BMPR1B: variants seen among roughly 807,000 people sequenced by gnomAD.
The protein encoded by BMPR1B is bone morphogenetic protein receptor type 1B.
Under a neutral mutation model 59.1 loss-of-function variants are expected in BMPR1B, and 12 were observed. That is an observed-to-expected ratio of 0.20 (90% CI 0.13 to 0.33). The LOEUF (loss-of-function observed/expected upper bound fraction) is 0.33. BMPR1B is among the 10% of genes least tolerant of loss of function. The pLI, the probability that BMPR1B is intolerant of heterozygous loss-of-function variation, is 1.00. For missense variants in BMPR1B, 550 were observed against 610.9 expected (o/e 0.90, Z 1.05); for synonymous variants, 237 against 207.3 (o/e 1.14, Z -1.23).
chr4:94,800,920 G>A (rs893643918), intron 1 of BMPR1B, among the ~76,000 whole-genome samples: 9 of 152,160 alleles, frequency 5.9e-5, no homozygotes, highest in African/African-American at 2.2e-4. Flanking sequence ...TTTCTTAAGA[G>A]TTATGCATTT....
chr4:94,881,658 G>T (rs1014367339), intron 2 of BMPR1B, among the ~76,000 whole-genome samples: 2 of 152,022 alleles, frequency 1.3e-5, no homozygotes, highest in Non-Finnish European at 2.9e-5. Context: ...TAGAGACGGG[G>T]TTTCATCACA....
chr4:94,870,948 C>A (rs1410540656), intron 1 of BMPR1B, among the ~76,000 whole-genome samples: 1 of 151,496 alleles, frequency 6.6e-6, no homozygotes, highest in Non-Finnish European at 1.5e-5. Context: ...CAAGTGCACT[C>A]TGTTTATTGA....
chr4:95,087,698 C>G (rs543779600), intron 3 of BMPR1B, among the ~76,000 whole-genome samples: 61 of 152,102 alleles, frequency 4.0e-4, no homozygotes, highest in African/African-American at 1.4e-3. Context: ...TGTCACTGTA[C>G]TCTAACCTGG....
At chr4:95,079,521 G>C (rs544844688) in intron 3 of BMPR1B, among the ~76,000 whole-genome samples, 1 of 152,198 alleles carries the variant, frequency 6.6e-6, no homozygotes, top group African/African-American at 2.4e-5. Flanking sequence ...ATTTCATGTA[G>C]GAAAAGAAGG....
Position 95,125,271 on chromosome 4 carries a change from C to T in BMPR1B, c.585+150C>T, listed in dbSNP as rs1004206032. 5.9e-6 allele frequency: 6 copies of T among 1,020,726 alleles called. No individual in the cohort carries two copies. In the African/African-American group the frequency reaches 8.0e-5, roughly 14 times the overall value. 63.2% of individuals were successfully genotyped at this position (1,020,726 alleles called of 1,614,324 possible). A position where few individuals can be genotyped will look rare whatever the true frequency, so the allele number is the denominator to read the frequency against. On this transcript the variant is annotated intron_variant, in intron 8 of 12. Coordinates refer to ENST00000515059, the MANE Select transcript of BMPR1B (RefSeq NM_001203.3). The stretch of plus-strand genomic sequence containing the variant: ...CATCCGATCTCAGCTGCAGGGCTTC[C>T]TGATAACATTTTGACATATTGAGAG...
chr4:94,799,908 C>T (rs1274956776), intron 1 of BMPR1B, among the ~76,000 whole-genome samples: 1 of 151,834 alleles, frequency 6.6e-6, no homozygotes, highest in South Asian at 2.1e-4. Flanking sequence ...CCAGGCTGGT[C>T]TCAAACTCAT....
chr4:94,915,784 G>A (rs1353382506), intron 2 of BMPR1B, among the ~76,000 whole-genome samples: 1 of 152,138 alleles, frequency 6.6e-6, no homozygotes, highest in Non-Finnish European at 1.5e-5. Context: ...ATATAGTTTG[G>A]ATATTTGTTT....
At chr4:95,034,611 AT>A (rs995839701) in intron 3 of BMPR1B, among the ~76,000 whole-genome samples, 1 of 151,206 alleles carries the variant, frequency 6.6e-6, no homozygotes, top group Non-Finnish European at 1.5e-5. Context: ...CCATTGTTTC[AT>A]TTTTTTATGG....
chr4:95,029,937 T>A (rs1468716808), intron 3 of BMPR1B, among the ~76,000 whole-genome samples: 1 of 152,178 alleles, frequency 6.6e-6, no homozygotes, highest in Non-Finnish European at 1.5e-5. Context: ...TCTGTTCATA[T>A]CCTTTGCCCA....
At chr4:94,990,462 G>A (rs1721662892) in intron 2 of BMPR1B, among the ~76,000 whole-genome samples, 1 of 152,186 alleles carries the variant, frequency 6.6e-6, no homozygotes, top group South Asian at 2.1e-4. Flanking sequence ...ATTAGCTGAT[G>A]AATGCATAAA....
intron 3 of BMPR1B, among the ~76,000 whole-genome samples, chr4:95,013,236 T>C (rs903359360): frequency 6.6e-6 from 1 of 152,154 alleles, no homozygotes; most frequent in East Asian, 1.9e-4. Context: ...ATGTAAAAGT[T>C]CTAGAATTTT....
intron 2 of BMPR1B, among the ~76,000 whole-genome samples, chr4:94,921,332 T>C (rs532330122): frequency 6.6e-6 from 1 of 152,322 alleles, no homozygotes; most frequent in East Asian, 1.9e-4. Context: ...AGTGCATTAC[T>C]CAGTTCTTGC....
intron 2 of BMPR1B, among the ~76,000 whole-genome samples, chr4:94,960,127 A>G (rs1208747968): frequency 6.6e-6 from 1 of 152,190 alleles, no homozygotes; most frequent in African/African-American, 2.4e-5. Context: ...CCAAAAATGT[A>G]GTAAATCTTC....
chr4:95,004,209 C>A (rs777551676), intron 3 of BMPR1B, among the ~76,000 whole-genome samples: 1 of 152,122 alleles, frequency 6.6e-6, no homozygotes, highest in Non-Finnish European at 1.5e-5. Flanking sequence ...CATTTGCCCA[C>A]CATGAAATAT....
intron 10 of BMPR1B, among the ~76,000 whole-genome samples, chr4:95,141,738 A>G (rs1734243626): frequency 6.6e-6 from 1 of 152,206 alleles, no homozygotes; most frequent in Admixed American, 6.5e-5. Flanking sequence ...GAGACTTCAG[A>G]GTCAGAACAA....
chr4:94,911,040 C>T (rs899075905), intron 2 of BMPR1B, among the ~76,000 whole-genome samples: 2 of 152,120 alleles, frequency 1.3e-5, no homozygotes, highest in Admixed American at 1.3e-4. Flanking sequence ...ACTTCTTTGA[C>T]CTATTTTTTT....
At chr4:95,138,557 AT>A (rs200917099) in intron 10 of BMPR1B, among the ~76,000 whole-genome samples, 15,748 of 152,124 alleles carry the variant, frequency 0.1, 1,997 homozygotes, top group African/African-American at 0.3. Flanking sequence ...TCAGACGTAG[AT>A]TTGGTCTTCT....
intron 3 of BMPR1B, among the ~76,000 whole-genome samples, chr4:95,086,566 AGAG>A (rs761707135): frequency 1.3e-5 from 2 of 152,224 alleles, no homozygotes; most frequent in African/African-American, 2.4e-5. Flanking sequence ...GAAACAGAAC[AGAG>A]GAGGTGATAC....
intron 3 of BMPR1B, among the ~76,000 whole-genome samples, chr4:95,077,011 G>A (rs981141052): frequency 1.9e-4 from 29 of 152,190 alleles, no homozygotes; most frequent in Admixed American, 7.2e-4. Flanking sequence ...ATATGCACGT[G>A]TGTTGTCTTT....
Sources: gnomAD v4.1 joint callset for allele counts (sites outside exome capture counted in the v4.1 genomes callset) on GRCh38, gnomAD v4.1.1 for gene constraint, MANE v1.5 for transcripts, NCBI Gene and HGNC (gene_info 2026-07-23, HGNC 2026-07-21) for gene names.